Variants in CDH12 observed in about 807,000 individuals in gnomAD.
CDH12 encodes the protein cadherin-12.
A neutral mutation model predicts 74.1 loss-of-function variants in CDH12; 41 were observed. The observed-to-expected ratio is 0.55, with a 90% CI of 0.43 to 0.72. CDH12 has a LOEUF of 0.72. CDH12 is among the 30% of genes least tolerant of loss of function. The pLI is 0.00. For synonymous variants in CDH12, 399 were observed against 355.0 expected, an observed-to-expected ratio of 1.12 and a Z score of -1.39; for missense variants, 945 against 977.2, an observed-to-expected ratio of 0.97 and a Z score of 0.44.
intron 11 of CDH12, among the ~76,000 whole-genome samples, chr5:21,769,132 A>G (rs1354473515): frequency 6.6e-6 from 1 of 152,088 alleles, no homozygotes; most frequent in Non-Finnish European, 1.5e-5. Context: ...CTGATAAAGT[A>G]TGTCTGTGAG....
chr5:22,664,849 T>G (rs1740531465), intron 1 of CDH12, among the ~76,000 whole-genome samples: 1 of 152,174 alleles, frequency 6.6e-6, no homozygotes, highest in Non-Finnish European at 1.5e-5. Context: ...CAGCAACAAT[T>G]TATTATATTT....
intron 1 of CDH12, among the ~76,000 whole-genome samples, chr5:22,524,786 A>ATTTTAT (rs200475068): frequency 6.6e-5 from 10 of 151,526 alleles, no homozygotes; most frequent in Non-Finnish European, 1.3e-4. Flanking sequence ...CTCATATTTT[A>ATTTTAT]TTTTATTTTT....
chr5:21,790,300 A>G (rs776792664), intron 10 of CDH12, among the ~76,000 whole-genome samples: 7 of 152,160 alleles, frequency 4.6e-5, no homozygotes, highest in Non-Finnish European at 8.8e-5. Flanking sequence ...AAAGACTTAC[A>G]TAATATATAC....
intron 8 of CDH12, among the ~76,000 whole-genome samples, chr5:21,824,081 T>C (rs1359922227): frequency 1.3e-5 from 2 of 152,116 alleles, no homozygotes; most frequent in East Asian, 1.9e-4. Flanking sequence ...CATCAATCCA[T>C]ATGCAAAATT....
In CDH12 at chr5:22,359,269, G is replaced by A. The variant is rs556075535; in HGVS notation, c.-333+45988C>T. Among the ~76,000 whole-genome samples the A allele has an allele frequency of 2.6e-5, 4 of 152,028 alleles. No homozygotes were observed. In the East Asian group the frequency reaches 7.7e-4, roughly 29 times the overall value. The stretch of plus-strand genomic sequence containing the variant: ...GCAAATGGAAAACAAAAAAAGGCAG[G>A]GGTTGCAATCCTAGTCTCTGAAAAA... On this transcript the variant is annotated intron_variant, in intron 3 of 14. Coordinates refer to ENST00000382254, the MANE Select transcript of CDH12 (RefSeq NM_004061.5).
At chr5:22,269,841 G>A (rs960168519) in intron 3 of CDH12, among the ~76,000 whole-genome samples, 2 of 152,096 alleles carry the variant, frequency 1.3e-5, no homozygotes, top group African/African-American at 4.8e-5. Context: ...ACAGACATTT[G>A]TACCACATAC....
At chr5:22,761,675 T>C (rs16899089) in intron 1 of CDH12, among the ~76,000 whole-genome samples, 12,963 of 152,240 alleles carry the variant, frequency 0.085, 760 homozygotes, top group African/African-American at 0.15. Context: ...TATTCCCAAG[T>C]GCTTGCTCAT....
At chr5:21,964,203 T>G (rs892634720) in intron 6 of CDH12, among the ~76,000 whole-genome samples, 19 of 152,190 alleles carry the variant, frequency 1.2e-4, no homozygotes, top group Non-Finnish European at 2.5e-4. Flanking sequence ...CCACTTCAAC[T>G]CTAAATCCCC....
At chr5:22,765,713 T>C (rs1451714244) in intron 1 of CDH12, among the ~76,000 whole-genome samples, 4 of 151,864 alleles carry the variant, frequency 2.6e-5, no homozygotes, top group Non-Finnish European at 5.9e-5. Flanking sequence ...ATTGCATGCC[T>C]CTCAAACTTC....
chr5:22,445,786 T>C (rs1384208444), intron 2 of CDH12, among the ~76,000 whole-genome samples: 1 of 152,130 alleles, frequency 6.6e-6, no homozygotes, highest in Non-Finnish European at 1.5e-5. Flanking sequence ...AAGCTTGTCC[T>C]TTCTCTAAGG....
At chr5:22,000,518 G>A (rs1274285045) in intron 5 of CDH12, among the ~76,000 whole-genome samples, 2 of 152,022 alleles carry the variant, frequency 1.3e-5, no homozygotes, top group Admixed American at 6.6e-5. Context: ...GCAAGGGGTG[G>A]GACTCAACCT....
chr5:21,856,641 AC>A (rs1445679065), intron 6 of CDH12, among the ~76,000 whole-genome samples: 1 of 151,760 alleles, frequency 6.6e-6, no homozygotes, highest in Admixed American at 6.6e-5. Context: ...ATGACCCTCC[AC>A]TATGCTGAAC....
At chr5:22,719,026 C>T (rs915198480) in intron 1 of CDH12, among the ~76,000 whole-genome samples, 1 of 151,816 alleles carries the variant, frequency 6.6e-6, no homozygotes, top group Non-Finnish European at 1.5e-5. Context: ...TGAATTATCC[C>T]ACCCGATGGT....
At chr5:22,018,944 T>C (rs1488352370) in intron 5 of CDH12, among the ~76,000 whole-genome samples, 1 of 152,064 alleles carries the variant, frequency 6.6e-6, no homozygotes, top group Non-Finnish European at 1.5e-5. Context: ...TGATGGCATG[T>C]GCCTGTAATC....
chr5:22,527,866 T>G (rs1473860913), intron 1 of CDH12, among the ~76,000 whole-genome samples: 1 of 152,162 alleles, frequency 6.6e-6, no homozygotes, highest in Non-Finnish European at 1.5e-5. Flanking sequence ...AGAGCCTTTT[T>G]GAACTCCCTG....
chr5:22,568,272 T>C (rs1324729052), intron 1 of CDH12, among the ~76,000 whole-genome samples: 1 of 152,204 alleles, frequency 6.6e-6, no homozygotes, highest in African/African-American at 2.4e-5. Context: ...TAAGACCCAA[T>C]CTGTCATTTG....
chr5:22,816,509 C>G (rs750222155), intron 1 of CDH12, among the ~76,000 whole-genome samples: 3 of 152,180 alleles, frequency 2.0e-5, no homozygotes, highest in Non-Finnish European at 4.4e-5. Context: ...ATTTTTCAGT[C>G]TTGACATGAA....
At chr5:22,263,284 G>T (rs934751146) in intron 3 of CDH12, among the ~76,000 whole-genome samples, 2 of 151,952 alleles carry the variant, frequency 1.3e-5, no homozygotes, top group Non-Finnish European at 1.5e-5. Flanking sequence ...GAGCCTGTAA[G>T]GCAACTATTT....
At chr5:22,585,171 T>G (rs1447290826) in intron 1 of CDH12, among the ~76,000 whole-genome samples, 1 of 152,224 alleles carries the variant, frequency 6.6e-6, no homozygotes, top group East Asian at 1.9e-4. Flanking sequence ...GAGTTTGACA[T>G]GTACGGAATT....
Sources: gnomAD v4.1 joint callset for allele counts (sites outside exome capture counted in the v4.1 genomes callset) on GRCh38, gnomAD v4.1.1 for gene constraint, MANE v1.5 for transcripts, NCBI Gene and HGNC (gene_info 2026-07-23, HGNC 2026-07-21) for gene names.